PARG: variants seen among roughly 807,000 people sequenced by gnomAD.
PARG encodes the protein mitochondrial poly(ADP-ribose) glycohydrolase.
In PARG, 35 loss-of-function variants were observed where a neutral mutation model predicts 113.0. The ratio of observed to expected loss-of-function variants is 0.31; its 90% confidence interval spans 0.24 to 0.41. The LOEUF (loss-of-function observed/expected upper bound fraction) is 0.41. Among genes scored for constraint, PARG ranks in the 10% least tolerant of loss-of-function variants. The pLI is 1.00. For missense variants in PARG, 797 were observed against 1,169.4 expected (o/e 0.68, Z 4.64); for synonymous variants, 330 against 409.9 (o/e 0.81, Z 2.36).
At chr10:49,936,933 TTAA>T (rs1302488048) in intron 1 of PARG, among the ~76,000 whole-genome samples, 5 of 152,204 alleles carry the variant, frequency 3.3e-5, no homozygotes, top group Non-Finnish European at 5.9e-5. Flanking sequence ...AAATCTTTGA[TTAA>T]TGTTTCAAAA....
chr10:49,832,157 A>C (rs1020850826), intron 16 of PARG, among the ~76,000 whole-genome samples: 8 of 152,198 alleles, frequency 5.3e-5, no homozygotes, highest in African/African-American at 1.7e-4. Context: ...TGTTGATCGG[A>C]TTTTGTGAAT....
At chr10:49,906,176 T>A (rs1225570112) in intron 7 of PARG, among the ~76,000 whole-genome samples, 1 of 136,356 alleles carries the variant, frequency 7.3e-6, no homozygotes. Context: ...AGAAACAGGG[T>A]TTCACCATGT....
At chr10:49,824,211 G>C (rs1243406286) in intron 16 of PARG, among the ~76,000 whole-genome samples, 2 of 151,938 alleles carry the variant, frequency 1.3e-5, no homozygotes, top group Non-Finnish European at 2.9e-5. Flanking sequence ...AGATAATCTC[G>C]ATCCTAGATA....
At chr10:49,845,894 C>G (rs1415698464) in intron 13 of PARG, among the ~76,000 whole-genome samples, 2 of 151,476 alleles carry the variant, frequency 1.3e-5, no homozygotes, top group Non-Finnish European at 2.9e-5. Context: ...GAGACTTTGT[C>G]TCAAAGGAAA....
chr10:49,860,300 T>C (rs1402000767), intron 12 of PARG, among the ~76,000 whole-genome samples: 38 of 151,500 alleles, frequency 2.5e-4, no homozygotes, highest in African/African-American at 8.7e-4. Context: ...AAGGTCAGCA[T>C]TCCTGTGGTG....
At chr10:49,878,077 GAGA>G (rs1439416002) in intron 9 of PARG, among the ~76,000 whole-genome samples, 1 of 152,072 alleles carries the variant, frequency 6.6e-6, no homozygotes, top group East Asian at 1.9e-4. Flanking sequence ...ACGGTGCACT[GAGA>G]AGGACACAGG....
intron 16 of PARG, among the ~76,000 whole-genome samples, chr10:49,829,002 T>G (rs1304512899): frequency 6.6e-6 from 1 of 152,136 alleles, no homozygotes; most frequent in African/African-American, 2.4e-5. Flanking sequence ...CTGTGGAAGC[T>G]GAGGCAGGTG....
At chr10:49,893,339 T>C (rs1554841981) in intron 7 of PARG, among the ~76,000 whole-genome samples, 1 of 152,230 alleles carries the variant, frequency 6.6e-6, no homozygotes, top group Non-Finnish European at 1.5e-5. Flanking sequence ...CATTTTTTAA[T>C]GTGCTTATTG....
intron 11 of PARG, among the ~76,000 whole-genome samples, chr10:49,862,124 T>C (rs535212823): frequency 6.7e-6 from 1 of 149,968 alleles, no homozygotes; most frequent in African/African-American, 2.5e-5. Context: ...TTGATGAAAA[T>C]ACCTGCGACA....
At chr10:49,927,414 GAA>G (rs1413823602) in intron 4 of PARG, among the ~76,000 whole-genome samples, 2 of 123,840 alleles carry the variant, frequency 1.6e-5, no homozygotes, top group African/African-American at 5.4e-5. Flanking sequence ...AAGAAAGAAA[GAA>G]AGAAAAATAA....
intron 4 of PARG, among the ~76,000 whole-genome samples, chr10:49,927,373 AG>A (rs1838244126): frequency 4.5e-5 from 1 of 22,054 alleles, no homozygotes; most frequent in African/African-American, 7.6e-5. Flanking sequence ...AAAGAAGGAA[AG>A]AAAGAAAGAA....
chr10:49,880,015 C>G (rs1352886227), intron 8 of PARG, among the ~76,000 whole-genome samples, 185 bp from the exon 9 acceptor site: 6 of 150,168 alleles, frequency 4.0e-5, no homozygotes, highest in African/African-American at 1.5e-4. Flanking sequence ...TCAGAAAATG[C>G]ACTTATTTGA....
chr10:49,893,780 G>A (rs1331890291), intron 7 of PARG, among the ~76,000 whole-genome samples: 2 of 151,486 alleles, frequency 1.3e-5, no homozygotes, highest in Non-Finnish European at 2.9e-5. Context: ...TGCAAGCTCC[G>A]CCTCCCAAGT....
intron 8 of PARG, among the ~76,000 whole-genome samples, chr10:49,882,643 G>C (rs1832464107): frequency 6.6e-6 from 1 of 151,560 alleles, no homozygotes; most frequent in Admixed American, 6.6e-5. Flanking sequence ...ATAAAATATG[G>C]AAACTCTCAT....
chr10:49,897,794 G>A (rs1488098769), intron 7 of PARG, among the ~76,000 whole-genome samples: 1 of 152,146 alleles, frequency 6.6e-6, no homozygotes, highest in South Asian at 2.1e-4. Flanking sequence ...GATCACTTGA[G>A]GTCAAGAGTT....
chr10:49,852,591 G>A (rs1845805716), intron 13 of PARG, among the ~76,000 whole-genome samples: 1 of 145,692 alleles, frequency 6.9e-6, no homozygotes, highest in African/African-American at 2.5e-5. Context: ...TTGAGACGGA[G>A]TCTCACTCTG....
chr10:49,841,108 C>A (rs985915437), intron 15 of PARG, among the ~76,000 whole-genome samples: 1 of 152,032 alleles, frequency 6.6e-6, no homozygotes, highest in Non-Finnish European at 1.5e-5. Flanking sequence ...TAAAAATTAG[C>A]TGGGCGTGGT....
chr10:49,914,780 A>G (rs1837376855), intron 7 of PARG, among the ~76,000 whole-genome samples: 2 of 152,216 alleles, frequency 1.3e-5, no homozygotes, highest in African/African-American at 4.8e-5. Context: ...GAGAGGCCAG[A>G]AACAATCCTT....
At position 49,845,805 on chromosome 10, in the gene PARG, G is replaced by A. The variant is rs191887198; in HGVS notation, c.2354-2173C>T. ...CCAGCTACCTGGGAGGCAGAGGCAG[G>A]GGCATCACTTGAACCCAGGAGGCAG... On this transcript the variant is annotated intron_variant, in intron 13 of 17. Transcript: ENST00000616448. Among the ~76,000 whole-genome samples, 724 of 151,022 alleles carry A rather than the reference G, an allele frequency of 4.8e-3. 6 individuals are homozygous for A. The highest frequency in any genetic ancestry group is 0.02 in the Middle Eastern group (6 of 294).
Sources: gnomAD v4.1 joint callset for allele counts (sites outside exome capture counted in the v4.1 genomes callset) on GRCh38, gnomAD v4.1.1 for gene constraint, MANE v1.5 for transcripts, NCBI Gene and HGNC (gene_info 2026-07-23, HGNC 2026-07-21) for gene names.